The following CLTCL1 variants were observed in gnomAD, a reference collection of about 807,000 sequenced individuals.
CLTCL1 encodes clathrin heavy chain like 1, also known as clathrin heavy chain 2.
Under a neutral mutation model 190.0 loss-of-function variants are expected in CLTCL1, and 159 were observed. That is an observed-to-expected ratio of 0.84 (90% CI 0.74 to 0.95). The LOEUF is 0.95. CLTCL1 is among the 40% of genes least tolerant of loss of function. The pLI is 0.00. For missense variants in CLTCL1, 1,878 were observed against 2,033.4 expected, an observed-to-expected ratio of 0.92 and a Z score of 1.47; for synonymous variants, 752 against 769.6, an observed-to-expected ratio of 0.98 and a Z score of 0.38.
At chr22:19,218,973 G>A (rs782525515) in intron 18 of CLTCL1, among the ~76,000 whole-genome samples, 2 of 152,082 alleles carry the variant, frequency 1.3e-5, no homozygotes, top group African/African-American at 2.4e-5. Context: ...GGGCTGAGCT[G>A]GGCCCAGCAT....
At chr22:19,266,116 C>T (rs899341976) in intron 2 of CLTCL1, among the ~76,000 whole-genome samples, 1 of 152,038 alleles carries the variant, frequency 6.6e-6, no homozygotes, top group Non-Finnish European at 1.5e-5. Context: ...CTTCTGGTCC[C>T]AAGTGATCCT....
intron 26 of CLTCL1, among the ~76,000 whole-genome samples, chr22:19,194,739 CGT>C (rs556534971): frequency 6.6e-6 from 1 of 152,344 alleles, no homozygotes; most frequent in Admixed American, 6.5e-5. Flanking sequence ...GGGTGCCCCC[CGT>C]GTGAGTTAGC....
At chr22:19,189,199 G>A (rs370701307) in intron 27 of CLTCL1, among the ~76,000 whole-genome samples, 49 of 152,182 alleles carry the variant, frequency 3.2e-4, no homozygotes, top group African/African-American at 3.1e-4. Flanking sequence ...CACCGCGCTC[G>A]GCTGGCAATT....
chr22:19,267,145 T>TA (rs1268979087), intron 2 of CLTCL1, among the ~76,000 whole-genome samples: 2 of 151,824 alleles, frequency 1.3e-5, no homozygotes, highest in Non-Finnish European at 2.9e-5. Context: ...TACAGAAAAA[T>TA]ATACAAAAAT....
At chr22:19,247,488 AC>A (rs1224980543) in intron 3 of CLTCL1, among the ~76,000 whole-genome samples, 1 of 152,166 alleles carries the variant, frequency 6.6e-6, no homozygotes, top group Admixed American at 6.6e-5. Flanking sequence ...TATTCTTCAA[AC>A]ATGATGATTT....
At chr22:19,266,546 G>A (rs2087128009) in intron 2 of CLTCL1, among the ~76,000 whole-genome samples, 1 of 152,154 alleles carries the variant, frequency 6.6e-6, no homozygotes, top group South Asian at 2.1e-4. Context: ...AGAATATAGA[G>A]GAAGAAGGAC....
chr22:19,237,166 C>T (rs898556841), intron 5 of CLTCL1, among the ~76,000 whole-genome samples: 1 of 152,056 alleles, frequency 6.6e-6, no homozygotes, highest in South Asian at 2.1e-4. Flanking sequence ...GTACAAAAAG[C>T]TCTTACGAAT....
intron 4 of CLTCL1, among the ~76,000 whole-genome samples, chr22:19,239,662 C>T (rs1390763861): frequency 6.6e-6 from 1 of 152,258 alleles, no homozygotes; most frequent in Admixed American, 6.5e-5. Context: ...CCTCCCCGGG[C>T]CTGGATGCCG....
chr22:19,239,116 A>G (rs1479565395), intron 5 of CLTCL1, among the ~76,000 whole-genome samples, 159 bp downstream of exon 5: 1 of 152,196 alleles, frequency 6.6e-6, no homozygotes, highest in Non-Finnish European at 1.5e-5. Context: ...GGGCTTTCCC[A>G]GCTCACACGC....
intron 2 of CLTCL1, among the ~76,000 whole-genome samples, chr22:19,270,042 A>C (rs1279816298): frequency 6.6e-6 from 1 of 152,242 alleles, no homozygotes; most frequent in Non-Finnish European, 1.5e-5. Flanking sequence ...CAATATTCTT[A>C]ATAGCTAAAA....
chr22:19,258,502 C>T, intron 2 of CLTCL1: 3 of 502,274 alleles, frequency 6.0e-6, no homozygotes, highest in Admixed American at 2.6e-5. Flanking sequence ...GAGGTGGAGG[C>T]CTGCTATACC....
intron 19 of CLTCL1, among the ~76,000 whole-genome samples, chr22:19,214,749 C>T (rs1229417418): frequency 2.0e-5 from 3 of 149,672 alleles, no homozygotes; most frequent in Non-Finnish European, 4.4e-5. Context: ...GGTGCCATCT[C>T]GGCTCACTGC....
intron 2 of CLTCL1, among the ~76,000 whole-genome samples, chr22:19,274,006 AAC>A (rs140044394): frequency 6.6e-6 from 1 of 151,330 alleles, no homozygotes; most frequent in East Asian, 1.9e-4. Flanking sequence ...TCCACACCAC[AAC>A]ACACACACAC....
At chr22:19,208,006 C>A in intron 22 of CLTCL1, 148 bp downstream of exon 22, 1 of 871,186 alleles carries the variant, frequency 1.1e-6, no homozygotes, top group East Asian at 2.6e-5. Flanking sequence ...TTGAATCATC[C>A]CCAAACCACC....
At chr22:19,276,077 G>T (rs1050844658) in intron 1 of CLTCL1, among the ~76,000 whole-genome samples, 1 of 152,104 alleles carries the variant, frequency 6.6e-6, no homozygotes, top group Non-Finnish European at 1.5e-5. Context: ...ACTAGGCAGT[G>T]TCAAGGACGC....
intron 2 of CLTCL1, among the ~76,000 whole-genome samples, chr22:19,261,809 A>T (rs1469202892): frequency 6.6e-6 from 1 of 152,194 alleles, no homozygotes; most frequent in Non-Finnish European, 1.5e-5. Context: ...AGATGCTGTG[A>T]ACACTGTTGA....
chr22:19,261,385 C>T (rs1340476374), intron 2 of CLTCL1, among the ~76,000 whole-genome samples: 1 of 152,192 alleles, frequency 6.6e-6, no homozygotes, highest in East Asian at 1.9e-4. Context: ...GCTGGGATTA[C>T]AGGCGGAAGC....
In CLTCL1 at chr22:19,260,930, G is replaced by GA. The variant is rs34432357; in HGVS notation, c.251-6704dup. ...ACTCACTGTTCAGATCTACTGATCAGAAAAAAAAAAAAAGGTTCCTTTCAA... is the reference window on the plus strand; with the variant it reads ...ACTCACTGTTCAGATCTACTGATCAGAAAAAAAAAAAAAAGGTTCCTTTCAA... On this transcript the variant is annotated intron_variant, in intron 2 of 32. Transcript: ENST00000427926. Among the ~76,000 whole-genome samples the GA allele has an allele frequency of 4.0e-3, 557 of 138,982 alleles. 4 individuals carry two copies. The highest frequency in any genetic ancestry group is 0.011 in the African/African-American group (413 of 37,788). 91.2% of individuals were successfully genotyped at this position (138,982 alleles called of 152,430 possible). A position where few individuals can be genotyped will look rare whatever the true frequency, so the allele number is the denominator to read the frequency against.
At chr22:19,232,444 AC>A (rs1220030323) in intron 10 of CLTCL1, 31 bp downstream of exon 10, 1 of 1,613,254 alleles carries the variant, frequency 6.2e-7, no homozygotes, top group Non-Finnish European at 8.5e-7. Context: ...CTAAAAAGCC[AC>A]AAAAAGTTGT....
Sources: allele counts gnomAD v4.1 joint callset (sites outside exome capture counted in the v4.1 genomes callset), GRCh38; gene constraint gnomAD v4.1.1; transcripts MANE v1.5; gene names NCBI Gene and HGNC (gene_info 2026-07-23, HGNC 2026-07-21).